ZNF652: variants seen among roughly 807,000 people sequenced by gnomAD.
The protein encoded by ZNF652 is zinc finger protein 652.
A neutral mutation model predicts 45.2 loss-of-function variants in ZNF652; 16 were observed. The observed-to-expected ratio is 0.35, with a 90% CI of 0.24 to 0.54. The LOEUF is 0.54. Ranked by LOEUF, ZNF652 falls within the 20% of genes least tolerant of loss-of-function variation. The pLI is 0.91. For missense variants in ZNF652, 614 were observed against 765.6 expected, an observed-to-expected ratio of 0.80 and a Z score of 2.34; for synonymous variants, 250 against 260.6, an observed-to-expected ratio of 0.96 and a Z score of 0.39.
intron 1 of ZNF652, among the ~76,000 whole-genome samples, chr17:49,337,456 A>C (rs1234051886): frequency 2.6e-5 from 4 of 152,170 alleles, no homozygotes; most frequent in African/African-American, 9.6e-5. Context: ...GGATGTTGGC[A>C]AACTGATCCA....
chr17:49,357,838 T>A (rs1475610373), intron 1 of ZNF652, among the ~76,000 whole-genome samples: 1 of 152,188 alleles, frequency 6.6e-6, no homozygotes, highest in Non-Finnish European at 1.5e-5. Flanking sequence ...CCCCACCAAG[T>A]TCCGCCAGCC....
chr17:49,311,255 G>T, intron 5 of ZNF652, 57 bp downstream of exon 5: 1 of 1,552,262 alleles, frequency 6.4e-7, no homozygotes. Flanking sequence ...CAGACCCACA[G>T]ATGATCATCA....
chr17:49,335,978 A>G, intron 1 of ZNF652, among the ~76,000 whole-genome samples: 1 of 152,094 alleles, frequency 6.6e-6, no homozygotes, highest in East Asian at 1.9e-4. Flanking sequence ...AAGGATGTAG[A>G]AGAAATCCAT....
intron 2 of ZNF652, among the ~76,000 whole-genome samples, chr17:49,313,442 T>C (rs898534108): frequency 6.6e-6 from 1 of 152,026 alleles, no homozygotes; most frequent in Admixed American, 6.6e-5. Flanking sequence ...CAGGCATGAG[T>C]CACCAAGCCC....
rs759813974 is a variant in ZNF652 at position 49,298,679 on chromosome 17, C to T, written c.1555G>A (p.Val519Met). 1.9e-5 allele frequency: 30 copies of T among 1,613,496 alleles called. No homozygotes were observed. The highest frequency in any genetic ancestry group is 6.7e-5 in the East Asian group (3 of 44,850). ...GTTGGGGTTGTGGCTGTGTTCACCA[C>T]AGAAGGAACTGGGGTGGCTGGGGAA... ...TTSPATPVPS[V>M]VNTATTPTPP... The change falls in exon 6 of 6, where the codon GTG becomes ATG. Residue 519 changes from valine to methionine, a missense_variant. By Grantham distance (21) the Val-to-Met change is conservative. This residue lies in a region of ZNF652 where 132 missense variants were observed against 137.2 expected (regional missense o/e 0.96). Transcript: ENST00000430262.
At chr17:49,352,668 C>T (rs1455924402) in intron 1 of ZNF652, among the ~76,000 whole-genome samples, 1 of 152,168 alleles carries the variant, frequency 6.6e-6, no homozygotes, top group African/African-American at 2.4e-5. Context: ...ATATTCACCC[C>T]AAAACCTGCC....
At position 49,312,712 on chromosome 17, in the gene ZNF652, C is replaced by T. The variant is rs894933989; in HGVS notation, c.1034G>A (p.Arg345Gln). The T allele has an allele frequency of 1.9e-6, 3 of 1,612,984 alleles. No individual in the cohort carries two copies. Among genetic ancestry groups the T allele is most frequent in the African/African-American group, 1.3e-5 (1 of 74,800 alleles). ...EKKFYTMAHV[R>Q]KHMVAHTKDM... ...GAAAAACTTACCAACCATGTGTTTCCGCACATGAGCCATGGTATAGAATTT... is the reference window on the plus strand; with the variant it reads ...GAAAAACTTACCAACCATGTGTTTCTGCACATGAGCCATGGTATAGAATTT... Residue 345 changes from arginine to glutamine, a missense_variant, in exon 3 of 6, where the codon CGG becomes CAG. Around this residue, in one of 5 missense-constraint regions of ZNF652, gnomAD observed 262 missense variants for 306.3 expected, o/e 0.86. Coordinates refer to ENST00000430262, the MANE Select transcript of ZNF652 (RefSeq NM_001145365.3).
At chr17:49,307,748 T>C (rs1471309575) in intron 5 of ZNF652, among the ~76,000 whole-genome samples, 5 of 152,128 alleles carry the variant, frequency 3.3e-5, no homozygotes, top group Non-Finnish European at 7.3e-5. Flanking sequence ...CGAGACTCCA[T>C]CTCAAAACAA....
chr17:49,292,814 C>T lies in ZNF652; in HGVS notation c.*5599G>A, dbSNP rs2069421440. 6.6e-6 allele frequency among the ~76,000 whole-genome samples: 1 copy of T among 152,032 alleles called. No individual in the cohort carries two copies. Among genetic ancestry groups the T allele is most frequent in the African/African-American group, 2.4e-5 (1 of 41,398 alleles). ...ATATAAATAAAAGTTAAAAATATAA[C>T]CTAAAAATGACATGGAGGAACAAAA... On this transcript the variant is annotated 3_prime_UTR_variant, in exon 6 of 6. Transcript: ENST00000430262.
rs1322019642 is a variant in ZNF652 at position 49,296,209 on chromosome 17, A to T, written c.*2204T>A. On this transcript the variant is annotated 3_prime_UTR_variant, in exon 6 of 6. Coordinates refer to ENST00000430262, the MANE Select transcript of ZNF652 (RefSeq NM_001145365.3). The stretch of plus-strand genomic sequence containing the variant: ...GTACCTGGGTGCTCAAAGAATGTGT[A>T]CAAATATTAAAAATACCATTCTTTA... The T allele has an allele frequency of 6.5e-6, 1 of 152,684 alleles. No homozygotes were observed. The highest frequency in any genetic ancestry group is 6.5e-5 in the Admixed American group (1 of 15,296). 9.5% of individuals were successfully genotyped at this position (152,684 alleles called of 1,614,324 possible). A position where few individuals can be genotyped will look rare whatever the true frequency, so the allele number is the denominator to read the frequency against.
At position 49,317,327 on chromosome 17, in the gene ZNF652, C is replaced by T. The variant is rs751141004; in HGVS notation, c.399G>A (p.Gly133=). 2 of 1,613,438 alleles carry T rather than the reference C, an allele frequency of 1.2e-6. No individual in the cohort carries two copies. Among genetic ancestry groups the T allele is most frequent in the South Asian group, 2.2e-5 (2 of 91,074 alleles). The part of the protein sequence containing the change: ...LNNQTLNVSK[G]EKGVSSQSKE... ...TGGACTGAGAAGAGACACCCTTTTCCCCTTTAGATACATTTAATGTTTGAT... is the reference window on the plus strand; with the variant it reads ...TGGACTGAGAAGAGACACCCTTTTCTCCTTTAGATACATTTAATGTTTGAT... Residue 133 remains glycine (G), a synonymous_variant, in exon 2 of 6, where the codon GGG becomes GGA. Coordinates refer to ENST00000430262, the MANE Select transcript of ZNF652 (RefSeq NM_001145365.3).
chr17:49,324,319 TTG>T (rs900686865), intron 1 of ZNF652, among the ~76,000 whole-genome samples: 30 of 152,246 alleles, frequency 2.0e-4, no homozygotes, highest in African/African-American at 7.0e-4. Flanking sequence ...TAAAGGAATG[TTG>T]TGTTTGGCTT....
chr17:49,298,573 G>A lies in ZNF652; in HGVS notation c.1661C>T (p.Pro554Leu), dbSNP rs747639948. Reference sequence around the variant, plus strand: ...AAGGTGGTGTGGGTGGTGAGGGTGTGGGTGGATGTGCAGGTGTGAGAAGGG... The same window carrying A: ...AAGGTGGTGTGGGTGGTGAGGGTGTAGGTGGATGTGCAGGTGTGAGAAGGG... ...PHPFSHLHIH[P>L]HPHHPHHLPI... Residue 554 changes from proline to leucine, a missense_variant, in exon 6 of 6, where the codon CCA becomes CTA. Coordinates refer to ENST00000430262, the MANE Select transcript of ZNF652 (RefSeq NM_001145365.3). 3 of 1,611,754 alleles carry A rather than the reference G, an allele frequency of 1.9e-6. No homozygotes were observed. The highest frequency in any genetic ancestry group is 2.5e-6 in the Non-Finnish European group (3 of 1,179,112).
At chr17:49,340,882 G>A (rs923108061) in intron 1 of ZNF652, among the ~76,000 whole-genome samples, 3 of 152,122 alleles carry the variant, frequency 2.0e-5, no homozygotes, top group African/African-American at 7.2e-5. Context: ...CTGGGCCACA[G>A]AGTGAGACCC....
chr17:49,348,777 T>C (rs958806568), intron 1 of ZNF652, among the ~76,000 whole-genome samples: 2 of 152,072 alleles, frequency 1.3e-5, no homozygotes, highest in Non-Finnish European at 2.9e-5. Flanking sequence ...GTGTAGTGAG[T>C]GTAGCAATCC....
intron 1 of ZNF652, among the ~76,000 whole-genome samples, chr17:49,345,648 T>C (rs1451755612): frequency 2.0e-5 from 3 of 150,618 alleles, no homozygotes; most frequent in Non-Finnish European, 4.4e-5. Context: ...GAGACCATCC[T>C]GGCTAACACG....
intron 1 of ZNF652, among the ~76,000 whole-genome samples, chr17:49,326,312 G>A (rs1447225783): frequency 4.0e-5 from 6 of 151,400 alleles, no homozygotes; most frequent in Non-Finnish European, 8.8e-5. Context: ...ACCTGGAGCT[G>A]ACAGGAGACA....
intron 1 of ZNF652, among the ~76,000 whole-genome samples, chr17:49,351,046 CACACACACAT>C (rs1308107560): frequency 5.5e-5 from 7 of 126,220 alleles, no homozygotes; most frequent in South Asian, 2.9e-4. Flanking sequence ...CACACACACA[CACACACACAT>C]ATTTTTATAT....
rs1323158524 is a variant in ZNF652 at position 49,297,898 on chromosome 17, TTCTG to T, written c.*511_*514del. The T allele has an allele frequency of 2.6e-5, 4 of 154,342 alleles. No homozygotes were observed. The highest frequency in any genetic ancestry group is 9.7e-5 in the African/African-American group (4 of 41,424). 9.6% of individuals were successfully genotyped at this position (154,342 alleles called of 1,614,324 possible). A position where few individuals can be genotyped will look rare whatever the true frequency, so the allele number is the denominator to read the frequency against. On this transcript the variant is annotated 3_prime_UTR_variant, in exon 6 of 6. Transcript: ENST00000430262. ...AGGAGAGCTACACAAAGAAGAAAAT[TTCTG>T]TCTTTCTCTATAATGCTTGATATAC...
Sources: gnomAD v4.1 joint callset for allele counts (sites outside exome capture counted in the v4.1 genomes callset) on GRCh38, gnomAD v4.1.1 for gene constraint, gnomAD v4.1.1 regional missense constraint, MANE v1.5 for transcripts, NCBI Gene and HGNC (gene_info 2026-07-23, HGNC 2026-07-21) for gene names.